Variants in ITGA9 observed in about 807,000 individuals in gnomAD.
The protein encoded by ITGA9 is integrin alpha-9.
A neutral mutation model predicts 127.8 loss-of-function variants in ITGA9; 56 were observed. That is an observed-to-expected ratio of 0.44 (90% confidence interval 0.35 to 0.55). ITGA9 has a LOEUF of 0.55. Among genes scored for constraint, ITGA9 ranks in the 20% least tolerant of loss-of-function variants. The probability of loss-of-function intolerance (pLI) is 0.00; values close to 1 mark genes in which losing one functional copy is unlikely to be tolerated. For synonymous variants in ITGA9, 508 were observed against 514.5 expected (o/e 0.99, Z 0.17); for missense variants, 1,196 against 1,347.1 (o/e 0.89, Z 1.76).
intron 15 of ITGA9, among the ~76,000 whole-genome samples, chr3:37,573,669 G>C (rs540242508): frequency 1.3e-5 from 2 of 152,318 alleles, no homozygotes; most frequent in South Asian, 2.1e-4. Flanking sequence ...ATTTCCGAGA[G>C]AGTGCGGTTG....
At chr3:37,536,020 C>A (rs1254870153) in intron 14 of ITGA9, among the ~76,000 whole-genome samples, 1 of 152,154 alleles carries the variant, frequency 6.6e-6, no homozygotes, top group East Asian at 1.9e-4. Flanking sequence ...TGTGGGGGCC[C>A]AGCTCTGGGT....
At chr3:37,802,173 T>C (rs762849775) in intron 26 of ITGA9, among the ~76,000 whole-genome samples, 9 of 152,038 alleles carry the variant, frequency 5.9e-5, no homozygotes, top group Non-Finnish European at 1.0e-4. Flanking sequence ...CTCTGTAAAA[T>C]GGGTGTGGAA....
intron 4 of ITGA9, among the ~76,000 whole-genome samples, chr3:37,488,010 C>G (rs902677265): frequency 6.6e-6 from 1 of 152,160 alleles, no homozygotes; most frequent in Non-Finnish European, 1.5e-5. Flanking sequence ...CCAATCTGCT[C>G]TAGTCTGGAG....
intron 16 of ITGA9, among the ~76,000 whole-genome samples, chr3:37,641,666 C>T (rs1395068149): frequency 6.6e-6 from 1 of 152,166 alleles, no homozygotes. Flanking sequence ...GCTCCCTTCC[C>T]CCTCAGAAGA....
At chr3:37,779,365 G>T (rs768541721) in intron 24 of ITGA9, among the ~76,000 whole-genome samples, 2 of 152,130 alleles carry the variant, frequency 1.3e-5, no homozygotes, top group African/African-American at 4.8e-5. Context: ...TCAGCCTCCC[G>T]AAGTGCTGGG....
At chr3:37,634,361 A>T (rs1463185827) in intron 16 of ITGA9, among the ~76,000 whole-genome samples, 1 of 152,168 alleles carries the variant, frequency 6.6e-6, no homozygotes, top group East Asian at 1.9e-4. Context: ...GCTGCTTATA[A>T]GAGACTCACT....
intron 17 of ITGA9, among the ~76,000 whole-genome samples, chr3:37,674,894 T>C (rs1167055292): frequency 2.0e-5 from 3 of 152,306 alleles, no homozygotes; most frequent in African/African-American, 4.8e-5. Flanking sequence ...TCCCAAGGGT[T>C]GGGTAGGGTT....
At chr3:37,619,946 C>T (rs1358066823) in intron 15 of ITGA9, among the ~76,000 whole-genome samples, 2 of 152,172 alleles carry the variant, frequency 1.3e-5, no homozygotes, top group African/African-American at 2.4e-5. Context: ...CACTTGCACT[C>T]CAACCCACTC....
rs140510799 is a variant in ITGA9 at position 37,473,094 on chromosome 3, G to A, written c.314-260G>A. Among the ~76,000 whole-genome samples, 77 of 136,876 alleles carry A rather than the reference G, an allele frequency of 5.6e-4. 1 individual carries two copies. The East Asian group carries it at 0.013, about 23-fold the overall frequency. The allele number at this position is 136,876 out of a possible 152,430, so 89.8% of individuals were successfully genotyped here. ...GCAGAGGTTGCAATGAGCTGAGATC[G>A]TGCCACTGCACTCCAGCCTGGACGA... is the stretch of plus-strand genomic sequence containing the variant. On this transcript the variant is annotated intron_variant, in intron 2 of 27. Transcript: ENST00000264741.
intron 15 of ITGA9, among the ~76,000 whole-genome samples, chr3:37,615,240 C>G (rs900385853): frequency 6.6e-6 from 1 of 152,086 alleles, no homozygotes; most frequent in East Asian, 1.9e-4. Context: ...GTTTTTGTCG[C>G]TGGTTCTGTT....
intron 27 of ITGA9, among the ~76,000 whole-genome samples, chr3:37,811,991 G>A (rs1199911823): frequency 6.6e-6 from 1 of 152,220 alleles, no homozygotes; most frequent in Non-Finnish European, 1.5e-5. Context: ...TCTGTGAAAT[G>A]GCTCAGAGAA....
rs1697481435 is a variant in ITGA9, at chr3:37,819,185, A to C, written c.*196A>C. ...AGGTCACACGACCGGGGCCAGCACC[A>C]CTTCCTTTAAAGATGAACTCTGAAC... On this transcript the variant is annotated 3_prime_UTR_variant, in exon 28 of 28. Coordinates refer to ENST00000264741, the MANE Select transcript of ITGA9 (RefSeq NM_002207.3). The C allele has an allele frequency of 1.6e-6, 1 of 613,456 alleles. No homozygotes were observed. The highest frequency in any genetic ancestry group is 2.8e-5 in the East Asian group (1 of 36,056). 38.0% of individuals were successfully genotyped at this position (613,456 alleles called of 1,614,324 possible).
At chr3:37,778,466 A>C (rs1267665521) in intron 24 of ITGA9, among the ~76,000 whole-genome samples, 1 of 152,078 alleles carries the variant, frequency 6.6e-6, no homozygotes, top group Non-Finnish European at 1.5e-5. Context: ...AAAAATACAA[A>C]AATTAGCTGG....
At chr3:37,521,277 A>G (rs1202193538) in intron 11 of ITGA9, among the ~76,000 whole-genome samples, 1 of 152,170 alleles carries the variant, frequency 6.6e-6, no homozygotes, top group Non-Finnish European at 1.5e-5. Flanking sequence ...GGTGAACTAG[A>G]GGAAGGAATC....
intron 14 of ITGA9, among the ~76,000 whole-genome samples, chr3:37,540,677 G>A (rs1283226065): frequency 6.6e-6 from 1 of 152,120 alleles, no homozygotes; most frequent in Non-Finnish European, 1.5e-5. Flanking sequence ...AAAAATGAAG[G>A]TTTTTGAGCT....
At chr3:37,523,406 TC>T (rs1237515017) in intron 11 of ITGA9, 114 bp from the exon 12 acceptor site, 5 of 812,620 alleles carry the variant, frequency 6.2e-6, no homozygotes, top group Admixed American at 3.9e-5. Context: ...TTTTTTTTTT[TC>T]TTTCAACAAC....
At chr3:37,487,082 T>TTATTG (rs1698617522) in intron 4 of ITGA9, among the ~76,000 whole-genome samples, 1 of 152,106 alleles carries the variant, frequency 6.6e-6, no homozygotes, top group Non-Finnish European at 1.5e-5. Context: ...TTTTGTTGTA[T>TTATTG]TTTTGTTTTG....
At chr3:37,568,747 A>G (rs1272056641) in intron 15 of ITGA9, among the ~76,000 whole-genome samples, 2 of 152,138 alleles carry the variant, frequency 1.3e-5, no homozygotes, top group Non-Finnish European at 2.9e-5. Context: ...TTCCCAACAA[A>G]TTCCTCATCT....
chr3:37,502,277 T>C (rs1698794528), intron 5 of ITGA9, among the ~76,000 whole-genome samples: 1 of 148,336 alleles, frequency 6.7e-6, no homozygotes, highest in Non-Finnish European at 1.5e-5. Flanking sequence ...TGCAGTGGCA[T>C]GGTCTTGGCT....
Sources: gnomAD v4.1 joint callset for allele counts (sites outside exome capture counted in the v4.1 genomes callset) on GRCh38, gnomAD v4.1.1 for gene constraint, MANE v1.5 for transcripts, NCBI Gene and HGNC (gene_info 2026-07-23, HGNC 2026-07-21) for gene names.